The following COLGALT2 variants were observed in gnomAD, a reference collection of about 807,000 sequenced individuals.
COLGALT2 encodes procollagen galactosyltransferase 2.
Under a neutral mutation model 73.4 loss-of-function variants are expected in COLGALT2, and 49 were observed. The observed-to-expected ratio is 0.67, with a 90% CI of 0.53 to 0.85. The LOEUF is 0.85. COLGALT2 is among the 40% of genes least tolerant of loss of function. The pLI is 0.00. For synonymous variants in COLGALT2, 295 were observed against 307.6 expected, an observed-to-expected ratio of 0.96 and a Z score of 0.43; for missense variants, 722 against 790.2, an observed-to-expected ratio of 0.91 and a Z score of 1.03.
chr1:184,030,834 T>C (rs904207899), intron 1 of COLGALT2, among the ~76,000 whole-genome samples: 7 of 152,170 alleles, frequency 4.6e-5, no homozygotes, highest in Admixed American at 2.6e-4. Context: ...ATAATCAGCA[T>C]TAAAACAGCT....
intron 3 of COLGALT2, 28 bp from the exon 4 acceptor site, chr1:183,973,778 T>C (rs761583144): frequency 8.7e-6 from 14 of 1,608,842 alleles, no homozygotes; most frequent in Non-Finnish European, 1.2e-5. Flanking sequence ...TAATGTTAGG[T>C]GAAAAGGTAC....
chr1:183,970,930 A>T (rs1181538484), intron 4 of COLGALT2, among the ~76,000 whole-genome samples: 1 of 152,172 alleles, frequency 6.6e-6, no homozygotes, highest in Non-Finnish European at 1.5e-5. Context: ...CGGGTTTTTT[A>T]AAGGGCTGCC....
Position 183,936,768 on chromosome 1 carries a change from C to T in COLGALT2, c.*1993G>A, listed in dbSNP as rs1669965670. On this transcript the variant is annotated 3_prime_UTR_variant, in exon 12 of 12. Transcript: ENST00000361927. ...TGGGGGTGGGTGGGAAAGGAAGTCACACTGACAGCTAAGTCTAAGCGGCAC... is the reference window on the plus strand; with the variant it reads ...TGGGGGTGGGTGGGAAAGGAAGTCATACTGACAGCTAAGTCTAAGCGGCAC... 1.6e-6 allele frequency: 2 copies of T among 1,231,362 alleles called. No individual in the cohort carries two copies. The highest frequency in any genetic ancestry group is 1.5e-5 in the African/African-American group (1 of 64,530). 76.3% of individuals were successfully genotyped at this position (1,231,362 alleles called of 1,614,324 possible).
chr1:183,995,300 T>C (rs1376202315), intron 1 of COLGALT2, among the ~76,000 whole-genome samples: 1 of 152,228 alleles, frequency 6.6e-6, no homozygotes, highest in Admixed American at 6.5e-5. Context: ...TTAAAAAATC[T>C]AACCACTGGC....
At chr1:183,968,990 C>T (rs1448547679) in intron 5 of COLGALT2, among the ~76,000 whole-genome samples, 1 of 152,156 alleles carries the variant, frequency 6.6e-6, no homozygotes, top group Non-Finnish European at 1.5e-5. Flanking sequence ...AGTAGCACCA[C>T]AGAGAAGCAA....
intron 1 of COLGALT2, among the ~76,000 whole-genome samples, chr1:184,012,320 A>G (rs895802870): frequency 3.3e-5 from 5 of 152,248 alleles, no homozygotes; most frequent in Admixed American, 6.5e-5. Flanking sequence ...AGAGATTTTG[A>G]TAGTCACCAA....
At chr1:183,985,078 T>C (rs1671452455) in intron 1 of COLGALT2, among the ~76,000 whole-genome samples, 1 of 152,224 alleles carries the variant, frequency 6.6e-6, no homozygotes. Context: ...TTAGTTTTCA[T>C]TTCTAAGTCT....
intron 4 of COLGALT2, among the ~76,000 whole-genome samples, chr1:183,973,134 AC>A: frequency 6.6e-6 from 1 of 152,242 alleles, no homozygotes; most frequent in African/African-American, 2.4e-5. Context: ...TGTTTTTCAA[AC>A]CGAGATAAAG....
intron 1 of COLGALT2, among the ~76,000 whole-genome samples, chr1:183,991,916 G>A (rs899166691): frequency 2.0e-5 from 3 of 151,916 alleles, no homozygotes; most frequent in Admixed American, 6.6e-5. Flanking sequence ...AAGGAACACC[G>A]TGTGCTCCTA....
chr1:183,967,603 G>T (rs1670914142), intron 5 of COLGALT2, among the ~76,000 whole-genome samples: 1 of 152,158 alleles, frequency 6.6e-6, no homozygotes, highest in South Asian at 2.1e-4. Context: ...TAATAATTTA[G>T]TTCATTGCAT....
intron 6 of COLGALT2, among the ~76,000 whole-genome samples, chr1:183,962,719 T>C (rs1262322110): frequency 1.3e-5 from 2 of 152,206 alleles, no homozygotes; most frequent in Non-Finnish European, 2.9e-5. Context: ...ATGTCCAAAG[T>C]GGTCTCTTCA....
intron 6 of COLGALT2, among the ~76,000 whole-genome samples, chr1:183,959,219 G>A (rs905970678): frequency 6.6e-6 from 1 of 152,096 alleles, no homozygotes; most frequent in African/African-American, 2.4e-5. Flanking sequence ...TTCTCATCCT[G>A]TGTTCTTTTA....
chr1:183,939,975 AC>A (rs1670063455), intron 11 of COLGALT2, among the ~76,000 whole-genome samples: 1 of 152,170 alleles, frequency 6.6e-6, no homozygotes, highest in African/African-American at 2.4e-5. Context: ...TAATTGCCAC[AC>A]CTTTTGATAA....
rs1015401404 is a variant in COLGALT2 at position 184,037,493 on chromosome 1, C to T, written c.-136G>A. On this transcript the variant is annotated 5_prime_UTR_variant, in exon 1 of 12. Transcript: ENST00000361927. ...GATGCGGCTTGCCGCGGCCGGCCGG[C>T]TCACACACTGGCCTCGGCGGCTGCG... 22 of 1,175,196 alleles carry T rather than the reference C, an allele frequency of 1.9e-5. No individual in the cohort carries two copies. The African/African-American group carries it at 3.4e-4, about 18-fold the overall frequency. 72.8% of individuals were successfully genotyped at this position (1,175,196 alleles called of 1,614,324 possible).
chr1:184,014,159 C>T (rs761400141), intron 1 of COLGALT2, among the ~76,000 whole-genome samples: 4 of 152,078 alleles, frequency 2.6e-5, no homozygotes, highest in Non-Finnish European at 5.9e-5. Flanking sequence ...GCTACAGGAA[C>T]GGACCAGACT....
At chr1:184,003,641 T>TA (rs529814077) in intron 1 of COLGALT2, among the ~76,000 whole-genome samples, 76 of 152,308 alleles carry the variant, frequency 5.0e-4, no homozygotes, top group Non-Finnish European at 7.9e-4. Context: ...ATGATTGTGG[T>TA]AAAACAGTTG....
chr1:183,989,759 A>G (rs1414013729), intron 1 of COLGALT2, among the ~76,000 whole-genome samples: 1 of 152,226 alleles, frequency 6.6e-6, no homozygotes, highest in Non-Finnish European at 1.5e-5. Context: ...TTCACCAATT[A>G]ACTCTGTAAT....
At chr1:184,008,044 T>C (rs1052779991) in intron 1 of COLGALT2, among the ~76,000 whole-genome samples, 1 of 152,140 alleles carries the variant, frequency 6.6e-6, no homozygotes, top group South Asian at 2.1e-4. Context: ...AAAAGGAAAA[T>C]ACTACTATAC....
At chr1:184,020,673 C>A (rs1649153746) in intron 1 of COLGALT2, among the ~76,000 whole-genome samples, 1 of 152,182 alleles carries the variant, frequency 6.6e-6, no homozygotes, top group South Asian at 2.1e-4. Context: ...TTCTCCTTAA[C>A]ACATCTTTTG....
Sources: allele counts gnomAD v4.1 joint callset (sites outside exome capture counted in the v4.1 genomes callset), GRCh38; gene constraint gnomAD v4.1.1; transcripts MANE v1.5; gene names NCBI Gene and HGNC (gene_info 2026-07-23, HGNC 2026-07-21).